The following DCP2 variants were observed in gnomAD, a reference collection of about 807,000 sequenced individuals.
DCP2 encodes the protein m7GpppN-mRNA hydrolase.
DCP2 carries 30 observed loss-of-function variants against 56.1 expected under a neutral mutation model. The observed-to-expected ratio is 0.53, with a 90% CI of 0.40 to 0.73. The LOEUF is 0.73. Among genes scored for constraint, DCP2 ranks in the 30% least tolerant of loss-of-function variants. The pLI is 0.00. For synonymous variants in DCP2, 197 were observed against 163.3 expected, an observed-to-expected ratio of 1.21 and a Z score of -1.57; for missense variants, 533 against 502.7, an observed-to-expected ratio of 1.06 and a Z score of -0.58.
chr5:113,005,926 A>G (rs558187294), intron 8 of DCP2, among the ~76,000 whole-genome samples: 34 of 152,260 alleles, frequency 2.2e-4, no homozygotes, highest in Non-Finnish European at 4.6e-4. Context: ...TGAGCCCAGT[A>G]GTTCGAGACC....
At chr5:112,989,345 A>G (rs553535811) in intron 2 of DCP2, among the ~76,000 whole-genome samples, 13 of 152,306 alleles carry the variant, frequency 8.5e-5, no homozygotes, top group African/African-American at 3.1e-4. Context: ...TAAGTTTAAG[A>G]AACACATATA....
chr5:113,019,619 T>C lies in DCP2; in HGVS notation c.*6135T>C, dbSNP rs893686539. On this transcript the variant is annotated 3_prime_UTR_variant, in exon 11 of 11. Coordinates refer to ENST00000389063, the MANE Select transcript of DCP2 (RefSeq NM_152624.6). ...CTTCCATTTTACAAATATTAGAAAC[T>C]TTTTCTTCAGTAACAAAAACAGGGA... 6.6e-6 allele frequency: 1 copy of C among 152,182 alleles called. No homozygotes were observed. The highest frequency in any genetic ancestry group is 2.4e-5 in the African/African-American group (1 of 41,444). The allele number at this position is 152,182 out of a possible 1,614,324, so 9.4% of individuals were successfully genotyped here. A position where few individuals can be genotyped will look rare whatever the true frequency, so the allele number is the denominator to read the frequency against.
intron 4 of DCP2, among the ~76,000 whole-genome samples, chr5:112,993,307 C>G (rs1163534711): frequency 6.6e-6 from 1 of 152,134 alleles, no homozygotes; most frequent in Non-Finnish European, 1.5e-5. Flanking sequence ...TTTTCTCTCT[C>G]TTGAACTTGA....
At chr5:112,984,013 TAAG>T (rs1748130938) in intron 1 of DCP2, 1 of 152,030 alleles carries the variant, frequency 6.6e-6, no homozygotes, top group South Asian at 2.1e-4. Flanking sequence ...GGAAGTGAAT[TAAG>T]GAGGATGAAA....
Position 113,018,221 on chromosome 5 carries a change from G to C in DCP2, c.*4737G>C, listed in dbSNP as rs1045921822. Reference sequence around the variant, plus strand: ...GTGAAAGTTACTCTTATGCATGGGAGTGGGCTTAAAGGGTTGACTTCCACC... The same window carrying C: ...GTGAAAGTTACTCTTATGCATGGGACTGGGCTTAAAGGGTTGACTTCCACC... On this transcript the variant is annotated 3_prime_UTR_variant, in exon 11 of 11. Transcript: ENST00000389063. The C allele has an allele frequency of 6.6e-6, 1 of 152,224 alleles. No individual in the cohort carries two copies. Among genetic ancestry groups the C allele is most frequent in the Non-Finnish European group, 1.5e-5 (1 of 68,042 alleles). 9.4% of individuals were successfully genotyped at this position (152,224 alleles called of 1,614,324 possible).
chr5:113,010,948 A>T, intron 10 of DCP2, 141 bp downstream of exon 10: 2 of 840,064 alleles, frequency 2.4e-6, no homozygotes, highest in Non-Finnish European at 3.5e-6. Context: ...GAGTTCATGT[A>T]TGTAGAGTTC....
intron 7 of DCP2, 131 bp downstream of exon 7, chr5:113,001,805 A>T: frequency 1.3e-6 from 1 of 797,536 alleles, no homozygotes; most frequent in Non-Finnish European, 2.0e-6. Flanking sequence ...CTGGTCTCAC[A>T]GATAATAGAA....
At chr5:113,005,151 G>GGGTGT (rs140772660) in intron 8 of DCP2, among the ~76,000 whole-genome samples, 2 of 149,420 alleles carry the variant, frequency 1.3e-5, no homozygotes, top group Non-Finnish European at 1.5e-5. Context: ...TGTGCGTGTG[G>GGGTGT]GTGTGTGTGT....
intron 9 of DCP2, among the ~76,000 whole-genome samples, chr5:113,009,281 G>A (rs1294136894): frequency 6.6e-6 from 1 of 152,186 alleles, no homozygotes; most frequent in Non-Finnish European, 1.5e-5. Context: ...TTGTCTAGAA[G>A]AACTTTGAAT....
chr5:112,985,710 C>T (rs1748250303), intron 1 of DCP2, 125 bp from the exon 2 acceptor site: 3 of 1,050,478 alleles, frequency 2.9e-6, no homozygotes, highest in Non-Finnish European at 4.1e-6. Flanking sequence ...TAATTGCTTC[C>T]TTGAACAGTA....
chr5:112,979,254 C>A (rs1747884963), intron 1 of DCP2, among the ~76,000 whole-genome samples: 1 of 152,002 alleles, frequency 6.6e-6, no homozygotes. Flanking sequence ...TTAGGGCTGG[C>A]TGTAATAATG....
chr5:112,982,969 C>G (rs906848798), intron 1 of DCP2, among the ~76,000 whole-genome samples: 4 of 152,136 alleles, frequency 2.6e-5, no homozygotes. Context: ...GGCTCTTACA[C>G]TTGAGGGTTT....
rs1191759279 is a variant in DCP2, at chr5:113,014,336, T to C, written c.*852T>C. ...TGTATTCCAGTTGTGTAAATATGTA[T>C]GGAAAACTGATATTACTAGGTTTTA... On this transcript the variant is annotated 3_prime_UTR_variant, in exon 11 of 11. Transcript: ENST00000389063. 1 of 152,232 alleles carries C rather than the reference T, an allele frequency of 6.6e-6. No individual in the cohort carries two copies. Among genetic ancestry groups the C allele is most frequent in the Admixed American group, 6.5e-5 (1 of 15,288 alleles). 9.4% of individuals were successfully genotyped at this position (152,232 alleles called of 1,614,324 possible).
intron 9 of DCP2, 118 bp downstream of exon 9, chr5:113,008,160 T>A: frequency 1.2e-6 from 1 of 839,550 alleles, no homozygotes. Flanking sequence ...GATATACTAG[T>A]AGGATTTTTG....
rs933417120 is a variant in DCP2 at position 113,021,291 on chromosome 5, C to A, written c.*7807C>A. ...CTGAGGCAGGAGAATCTCTTGACCC[C>A]GGGAGGCAGAGGTCGCAGTGAGCTG... On this transcript the variant is annotated 3_prime_UTR_variant, in exon 11 of 11. Transcript: ENST00000389063. Among the ~76,000 whole-genome samples the A allele has an allele frequency of 2.0e-5, 3 of 149,148 alleles. No homozygotes were observed. The highest frequency in any genetic ancestry group is 2.0e-4 in the East Asian group (1 of 4,924).
rs542222968 is a variant in DCP2, at chr5:113,003,738, A to T, written c.807-204A>T. ...TAGTGTATTAATTCATTCAAGAAAT[A>T]TTTATTGAATACCAGGCACTCATCT... On this transcript the variant is annotated intron_variant, in intron 7 of 10. Transcript: ENST00000389063. 9.2e-5 allele frequency among the ~76,000 whole-genome samples: 14 copies of T among 152,330 alleles called. No individual in the cohort carries two copies. In the East Asian group the frequency reaches 2.7e-3, roughly 29 times the overall value.
At chr5:112,991,994 A>G (rs1561690959) in intron 2 of DCP2, 127 bp from the exon 3 acceptor site, 1 of 1,392,682 alleles carries the variant, frequency 7.2e-7, no homozygotes, top group East Asian at 2.5e-5. Context: ...AAAATGCTAC[A>G]CTTAAATGAG....
intron 1 of DCP2, among the ~76,000 whole-genome samples, chr5:112,977,834 A>G (rs1490392782): frequency 1.3e-5 from 2 of 152,086 alleles, no homozygotes; most frequent in Admixed American, 1.3e-4. Flanking sequence ...TACAAGTGAT[A>G]ACACCTTTTC....
intron 8 of DCP2, among the ~76,000 whole-genome samples, chr5:113,006,561 C>A (rs1396718267): frequency 6.6e-6 from 1 of 152,126 alleles, no homozygotes; most frequent in Non-Finnish European, 1.5e-5. Flanking sequence ...TGTTTTCCAG[C>A]TATTTTAGCA....
Sources: gnomAD v4.1 joint callset for allele counts (sites outside exome capture counted in the v4.1 genomes callset) on GRCh38, gnomAD v4.1.1 for gene constraint, MANE v1.5 for transcripts, NCBI Gene and HGNC (gene_info 2026-07-23, HGNC 2026-07-21) for gene names.